The following LUZP2 variants were observed in gnomAD, a reference collection of about 807,000 sequenced individuals.
The protein encoded by LUZP2 is leucine zipper protein 2.
LUZP2 carries 52 observed loss-of-function variants against 51.6 expected under a neutral mutation model. That is an observed-to-expected ratio of 1.01 (90% CI 0.81 to 1.27). The LOEUF is 1.27. Among genes scored for constraint, LUZP2 ranks in the 50% most tolerant of loss-of-function variants. LUZP2 has a pLI of 0.00. For missense variants in LUZP2, 436 were observed against 395.4 expected, an observed-to-expected ratio of 1.10 and a Z score of -0.87; for synonymous variants, 154 against 137.3, an observed-to-expected ratio of 1.12 and a Z score of -0.85.
intron 1 of LUZP2, among the ~76,000 whole-genome samples, chr11:24,692,036 A>T (rs1050265730): frequency 6.6e-6 from 1 of 151,992 alleles, no homozygotes; most frequent in Admixed American, 6.6e-5. Flanking sequence ...AGATAAAATG[A>T]TCTCATATAG....
At chr11:24,921,408 T>C (rs1191026256) in intron 7 of LUZP2, among the ~76,000 whole-genome samples, 1 of 152,102 alleles carries the variant, frequency 6.6e-6, no homozygotes, top group Non-Finnish European at 1.5e-5. Context: ...CGCCATGATG[T>C]TCTGAACACC....
chr11:24,963,888 G>C (rs527622262), intron 7 of LUZP2, among the ~76,000 whole-genome samples: 4 of 152,142 alleles, frequency 2.6e-5, no homozygotes, highest in South Asian at 2.1e-4. Context: ...GACCGGAGCT[G>C]TTCCTATTTG....
chr11:24,996,004 T>TTCTA (rs1167421486), intron 9 of LUZP2, among the ~76,000 whole-genome samples: 3 of 151,326 alleles, frequency 2.0e-5, no homozygotes, highest in Non-Finnish European at 4.4e-5. Flanking sequence ...TGTTATATTC[T>TTCTA]TCTATCTATA....
intron 7 of LUZP2, among the ~76,000 whole-genome samples, chr11:24,940,484 A>G (rs1039149985): frequency 2.0e-5 from 3 of 152,164 alleles, no homozygotes; most frequent in African/African-American, 7.2e-5. Context: ...TGTGTTTAAT[A>G]CTTTGTCAAT....
intron 1 of LUZP2, among the ~76,000 whole-genome samples, chr11:24,661,085 T>C (rs764980292): frequency 9.9e-5 from 15 of 152,166 alleles, no homozygotes; most frequent in Middle Eastern, 3.2e-3. Context: ...AGAGATAACA[T>C]TGACTTTAGC....
chr11:24,825,227 G>A (rs12226060), intron 5 of LUZP2, among the ~76,000 whole-genome samples: 5,787 of 152,066 alleles, frequency 0.038, 221 homozygotes, highest in East Asian at 0.13. Context: ...TGTTAAAAAG[G>A]GTGTGAGAAA....
At chr11:24,779,846 G>A (rs1324397363) in intron 5 of LUZP2, among the ~76,000 whole-genome samples, 1 of 152,114 alleles carries the variant, frequency 6.6e-6, no homozygotes, top group African/African-American at 2.4e-5. Flanking sequence ...CACACATAGG[G>A]GAGGAATTGA....
chr11:24,654,843 C>G (rs1855753710), intron 1 of LUZP2, among the ~76,000 whole-genome samples: 1 of 150,484 alleles, frequency 6.6e-6, no homozygotes, highest in South Asian at 2.1e-4. Context: ...TTTTTTGTAA[C>G]CTTTTGAATG....
At chr11:24,880,343 T>C in intron 5 of LUZP2, among the ~76,000 whole-genome samples, 1 of 127,226 alleles carries the variant, frequency 7.9e-6, no homozygotes, top group East Asian at 2.8e-4. Context: ...GTGGCATTGG[T>C]AATTCAACAC....
At chr11:24,693,818 G>C (rs113254276) in intron 1 of LUZP2, among the ~76,000 whole-genome samples, 16 of 152,000 alleles carry the variant, frequency 1.1e-4, no homozygotes, top group African/African-American at 3.4e-4. Context: ...ATATGAAAGA[G>C]GTGTACAGAT....
chr11:24,715,302 TGTGTGC>T (rs372996978), intron 1 of LUZP2, among the ~76,000 whole-genome samples: 121 of 69,512 alleles, frequency 1.7e-3, no homozygotes, highest in African/African-American at 1.8e-3. Context: ...TGTGTGTGTG[TGTGTGC>T]ATGCGTATTT....
intron 7 of LUZP2, among the ~76,000 whole-genome samples, chr11:24,971,863 GGTGCAGTGGCTCAT>G (rs1451960159): frequency 6.6e-6 from 1 of 152,048 alleles, no homozygotes; most frequent in East Asian, 1.9e-4. Context: ...GGCATGGCCA[GGTGCAGTGGCTCAT>G]GCTTGTAATC....
intron 5 of LUZP2, among the ~76,000 whole-genome samples, chr11:24,770,540 G>A (rs1217981572): frequency 6.6e-6 from 1 of 152,036 alleles, no homozygotes; most frequent in African/African-American, 2.4e-5. Flanking sequence ...TTCAGCTCCT[G>A]TTATCAACTG....
At chr11:24,610,507 C>G (rs1397872965) in intron 1 of LUZP2, among the ~76,000 whole-genome samples, 1 of 152,128 alleles carries the variant, frequency 6.6e-6, no homozygotes, top group Non-Finnish European at 1.5e-5. Context: ...GTGAGTGAAG[C>G]CATCCAACCA....
rs552255285 is a variant in LUZP2 at position 24,981,469 on chromosome 11, A to G, written c.598-1657A>G. On this transcript the variant is annotated intron_variant, in intron 8 of 11. Coordinates refer to ENST00000336930, the MANE Select transcript of LUZP2 (RefSeq NM_001009909.4). ...GGTTTTGGCTGGTTTCTTGACTGTA[A>G]TCTGTTTTATCAGAAAGGTCTTTAT... Among the ~76,000 whole-genome samples the G allele has an allele frequency of 3.2e-4, 48 of 151,680 alleles. 2 individuals carry two copies. The South Asian group carries it at 9.8e-3, about 31-fold the overall frequency.
chr11:24,588,481 A>G (rs1160531696), intron 1 of LUZP2, among the ~76,000 whole-genome samples: 1 of 152,128 alleles, frequency 6.6e-6, no homozygotes, highest in African/African-American at 2.4e-5. Flanking sequence ...GACAAAGGCA[A>G]AAGTATACGT....
chr11:24,999,881 A>G (rs1285697591), intron 9 of LUZP2, among the ~76,000 whole-genome samples: 1 of 152,162 alleles, frequency 6.6e-6, no homozygotes, highest in Non-Finnish European at 1.5e-5. Flanking sequence ...GGACCCAAAG[A>G]GTGAGCAGCA....
At position 25,041,810 on chromosome 11, in the gene LUZP2, A is replaced by T. The variant is rs190274026; in HGVS notation, c.766-8228A>T. On this transcript the variant is annotated intron_variant, in intron 9 of 11. Transcript: ENST00000336930. ...TGGCCTGTTAGGAAGCCGGCCACAC[A>T]GCAAGAGGTGAGAAGCAGGTGAGCA... Among the ~76,000 whole-genome samples the T allele has an allele frequency of 2.3e-3, 343 of 152,286 alleles. 1 individual carries two copies. The highest frequency in any genetic ancestry group is 8.0e-3 in the African/African-American group (331 of 41,574).
intron 1 of LUZP2, among the ~76,000 whole-genome samples, chr11:24,638,641 G>C (rs1359922272): frequency 6.6e-6 from 1 of 151,452 alleles, no homozygotes; most frequent in Non-Finnish European, 1.5e-5. Context: ...ATTTTGTTAA[G>C]AAATTAGGGC....
Sources: allele counts gnomAD v4.1 joint callset (sites outside exome capture counted in the v4.1 genomes callset), GRCh38; gene constraint gnomAD v4.1.1; transcripts MANE v1.5; gene names NCBI Gene and HGNC (gene_info 2026-07-23, HGNC 2026-07-21).